Variants in SERPINB10 observed in about 807,000 individuals in gnomAD.
The protein encoded by SERPINB10 is serpin family B member 10.
In SERPINB10, 35 loss-of-function variants were observed where a neutral mutation model predicts 39.1. The observed-to-expected ratio is 0.90, with a 90% CI of 0.68 to 1.19. The LOEUF is 1.19. Among genes scored for constraint, SERPINB10 ranks in the 50% most tolerant of loss-of-function variants. The probability of loss-of-function intolerance (pLI) is 0.00; values close to 1 mark genes in which losing one functional copy is unlikely to be tolerated. For missense variants in SERPINB10, 546 were observed against 460.5 expected (o/e 1.19, Z -1.70); for synonymous variants, 190 against 158.1 (o/e 1.20, Z -1.52).
At chr18:63,933,252 A>G (rs752557516) in intron 7 of SERPINB10, 49 bp downstream of exon 7, 15 of 1,601,112 alleles carry the variant, frequency 9.4e-6, no homozygotes, top group African/African-American at 1.3e-5. Context: ...AGTGTTTACT[A>G]AGAAAAGAAC....
At chr18:63,929,587 T>A (rs8091779) in intron 5 of SERPINB10, among the ~76,000 whole-genome samples, 62,066 of 151,108 alleles carry the variant, frequency 0.41, 15,500 homozygotes, top group African/African-American at 0.71. Flanking sequence ...AACCTTGAAG[T>A]AGAGAAGTAA....
intron 5 of SERPINB10, among the ~76,000 whole-genome samples, chr18:63,922,815 C>T (rs561619174): frequency 1.3e-5 from 2 of 152,044 alleles, no homozygotes; most frequent in East Asian, 3.9e-4. Flanking sequence ...CCCATGTGAA[C>T]ACAGGTGATT....
chr18:63,925,581 A>G (rs1199355910), intron 5 of SERPINB10, among the ~76,000 whole-genome samples: 1 of 152,028 alleles, frequency 6.6e-6, no homozygotes, highest in Non-Finnish European at 1.5e-5. Context: ...ATAAATAATG[A>G]TAGTAATGGA....
rs146659659 is a variant in SERPINB10, at chr18:63,922,838, A to G, written c.490+2933A>G. Among the ~76,000 whole-genome samples the G allele has an allele frequency of 2.2e-4, 33 of 152,118 alleles. No individual in the cohort carries two copies. In the East Asian group the frequency reaches 5.8e-3, roughly 27 times the overall value. On this transcript the variant is annotated intron_variant, in intron 5 of 7. Transcript: ENST00000238508. ...AACACAGGTGATTTGAAATGTGGCT[A>G]ATGTGACTGAGGAACTGAATTTTCA...
At chr18:63,921,938 C>T (rs1462769188) in intron 5 of SERPINB10, among the ~76,000 whole-genome samples, 2 of 151,918 alleles carry the variant, frequency 1.3e-5, no homozygotes. Context: ...CCCAACCCCT[C>T]CTTTGCCCCC....
intron 1 of SERPINB10, among the ~76,000 whole-genome samples, chr18:63,911,810 A>G (rs762633100): frequency 2.0e-5 from 3 of 152,072 alleles, no homozygotes; most frequent in Non-Finnish European, 4.4e-5. Flanking sequence ...CAATTCTGTG[A>G]AAAATGACGT....
intron 4 of SERPINB10, 145 bp from the exon 5 acceptor site, chr18:63,919,643 C>G: frequency 1.9e-6 from 1 of 534,948 alleles, no homozygotes; most frequent in Non-Finnish European, 3.3e-6. Context: ...TTGACCAAAA[C>G]TGGGAGTCAG....
At chr18:63,933,883 CAT>C (rs1263370994) in intron 7 of SERPINB10, among the ~76,000 whole-genome samples, 20 of 152,200 alleles carry the variant, frequency 1.3e-4, no homozygotes, top group Non-Finnish European at 2.1e-4. Context: ...TAATTTTTCA[CAT>C]GTGTCAGACT....
chr18:63,933,031 T>C lies in SERPINB10; in HGVS notation c.634-17T>C, dbSNP rs761786929. 6.2e-7 allele frequency: 1 copy of C among 1,604,730 alleles called. No individual in the cohort carries two copies. Among genetic ancestry groups the C allele is most frequent in the East Asian group, 2.2e-5 (1 of 44,812 alleles). On this transcript the variant is annotated splice_polypyrimidine_tract_variant and intron_variant, in intron 6 of 7. Transcript: ENST00000238508. The stretch of plus-strand genomic sequence containing the variant: ...ATGACCTTGTTACCTGTTTTTTTGT[T>C]TTTTTGTTTTTTTTAGACTACAAGC...
At position 63,919,904 on chromosome 18, in the gene SERPINB10, G is replaced by A; in HGVS notation, c.489G>A (p.Glu163=). 1.3e-6 allele frequency: 2 copies of A among 1,592,646 alleles called. No homozygotes were observed. Among genetic ancestry groups the A allele is most frequent in the Non-Finnish European group, 1.7e-6 (2 of 1,168,110 alleles). ...ACTCTTGGGTTGAAAGACAGACCGA[G>A]GGTAAGCTTTCACCAAGGGGTTTGG... is the stretch of plus-strand genomic sequence containing the variant. ...DINSWVERQT[E]GKIQNLLPDD... The change falls in exon 5 of 8, where the codon GAG becomes GAA. Residue 163 remains glutamate (E), a splice_region_variant and synonymous_variant. Transcript: ENST00000238508.
intron 1 of SERPINB10, among the ~76,000 whole-genome samples, chr18:63,908,682 A>G (rs952541890): frequency 6.6e-6 from 1 of 152,002 alleles, no homozygotes; most frequent in African/African-American, 2.4e-5. Context: ...TGTTTCTAAA[A>G]AAGGCCTTAG....
rs527844830 is a variant in SERPINB10, at chr18:63,919,719, T to A, written c.373-69T>A. Reference sequence around the variant, plus strand: ...CCCGCCTACCTAGTTCTTTTGATAATCTAAATAGATTTGATTTCTCAATTT... The same window carrying A: ...CCCGCCTACCTAGTTCTTTTGATAAACTAAATAGATTTGATTTCTCAATTT... On this transcript the variant is annotated intron_variant, in intron 4 of 7. Coordinates refer to ENST00000238508, the MANE Select transcript of SERPINB10 (RefSeq NM_005024.3). The A allele has an allele frequency of 1.6e-4, 169 of 1,075,634 alleles. No individual in the cohort carries two copies. In the South Asian group the frequency reaches 2.3e-3, roughly 15 times the overall value. 66.6% of individuals were successfully genotyped at this position (1,075,634 alleles called of 1,614,324 possible).
chr18:63,935,116 G>C lies in SERPINB10; in HGVS notation c.1068G>C (p.Gly356=), dbSNP rs199673768. The stretch of plus-strand genomic sequence containing the variant: ...GTACTGAAGCTGCAGCTGGCAGTGG[G>C]AGTGAGATAGATATACGAATTAGAG... ...EQGTEAAAGS[G]SEIDIRIRVP... The change falls in exon 8 of 8, where the codon GGG becomes GGC. Residue 356 remains glycine, a synonymous_variant. Coordinates refer to ENST00000238508, the MANE Select transcript of SERPINB10 (RefSeq NM_005024.3). 2.5e-6 allele frequency: 4 copies of C among 1,613,868 alleles called. No homozygotes were observed. The highest frequency in any genetic ancestry group is 3.4e-6 in the Non-Finnish European group (4 of 1,180,030).
At chr18:63,925,542 G>A (rs2114377) in intron 5 of SERPINB10, among the ~76,000 whole-genome samples, 62,599 of 151,850 alleles carry the variant, frequency 0.41, 15,762 homozygotes, top group African/African-American at 0.71. Context: ...GCTTCCAATG[G>A]CAAAATCTGG....
rs369480884 is a variant in SERPINB10, at chr18:63,930,094, G to A, written c.540G>A (p.Arg180=). 2.2e-5 allele frequency: 36 copies of A among 1,613,318 alleles called. No homozygotes were observed. Among genetic ancestry groups the A allele is most frequent in the Middle Eastern group, 1.6e-4 (1 of 6,082 alleles). Residue 180 remains arginine, a synonymous_variant, in exon 6 of 8, where the codon AGG becomes AGA. Transcript: ENST00000238508. ...ATGACTCTGTGGATTCCACAACCAG[G>A]ATGATTCTGGTGAACGCCCTATACT... The part of the protein sequence containing the change: ...LPDDSVDSTT[R]MILVNALYFK...
At position 63,918,121 on chromosome 18, in the gene SERPINB10, T is replaced by C. The variant is rs2050118393; in HGVS notation, c.372+19T>C. ...TCACAATGTAAGTGCAAATGTCTTA[T>C]TTTAAGCTAATGGAAAAGAAAGAGC... On this transcript the variant is annotated intron_variant, in intron 4 of 7. Transcript: ENST00000238508. 1.2e-6 allele frequency: 2 copies of C among 1,610,748 alleles called. No individual in the cohort carries two copies. Among genetic ancestry groups the C allele is most frequent in the Non-Finnish European group, 1.7e-6 (2 of 1,178,184 alleles).
intron 6 of SERPINB10, 94 bp downstream of exon 6, chr18:63,930,281 A>G (rs1228930345): frequency 1.5e-6 from 2 of 1,375,078 alleles, no homozygotes; most frequent in African/African-American, 1.4e-5. Flanking sequence ...TGTATGTTCT[A>G]GTGAACTATG....
intron 5 of SERPINB10, among the ~76,000 whole-genome samples, chr18:63,929,776 A>G (rs1370321651): frequency 6.6e-6 from 1 of 151,234 alleles, no homozygotes; most frequent in Non-Finnish European, 1.5e-5. Flanking sequence ...CTTATATTAC[A>G]GGGAAGTTTT....
chr18:63,920,844 G>C (rs551667021), intron 5 of SERPINB10, among the ~76,000 whole-genome samples: 1 of 151,982 alleles, frequency 6.6e-6, no homozygotes, highest in East Asian at 1.9e-4. Flanking sequence ...TTTTCAGCTG[G>C]GTTGCCATTT....
Sources: allele counts gnomAD v4.1 joint callset (sites outside exome capture counted in the v4.1 genomes callset), GRCh38; gene constraint gnomAD v4.1.1; transcripts MANE v1.5; gene names NCBI Gene and HGNC (gene_info 2026-07-23, HGNC 2026-07-21).